The following GALNTL6 variants were observed in gnomAD, a reference collection of about 807,000 sequenced individuals.
GALNTL6 encodes polypeptide N-acetylgalactosaminyltransferase like 6.
Under a neutral mutation model 73.7 loss-of-function variants are expected in GALNTL6, and 46 were observed. That is an observed-to-expected ratio of 0.62 (90% CI 0.49 to 0.80). GALNTL6 has a LOEUF of 0.80. Among genes scored for constraint, GALNTL6 ranks in the 30% least tolerant of loss-of-function variants. The pLI is 0.00. For synonymous variants in GALNTL6, 259 were observed against 263.7 expected, an observed-to-expected ratio of 0.98 and a Z score of 0.17; for missense variants, 604 against 755.0, an observed-to-expected ratio of 0.80 and a Z score of 2.34.
intron 5 of GALNTL6, among the ~76,000 whole-genome samples, chr4:172,564,884 A>T (rs377743082): frequency 2.3e-4 from 35 of 152,362 alleles, no homozygotes; most frequent in African/African-American, 8.2e-4. Flanking sequence ...AGAGGAAAGT[A>T]AATCAAAGGC....
intron 5 of GALNTL6, among the ~76,000 whole-genome samples, chr4:172,370,630 CAAAAAAAAAA>C (rs71592072): frequency 1.0e-4 from 6 of 59,830 alleles, no homozygotes; most frequent in African/African-American, 2.5e-4. Flanking sequence ...GACTCCATCT[CAAAAAAAAAA>C]AAAAAAAAAA....
intron 2 of GALNTL6, among the ~76,000 whole-genome samples, chr4:172,164,587 C>T (rs1382289060): frequency 6.6e-6 from 1 of 151,916 alleles, no homozygotes; most frequent in African/African-American, 2.4e-5. Context: ...TGGAGCATTA[C>T]CTTACCCTTA....
At chr4:172,455,511 G>A (rs1732362369) in intron 5 of GALNTL6, among the ~76,000 whole-genome samples, 1 of 152,272 alleles carries the variant, frequency 6.6e-6, no homozygotes, top group South Asian at 2.1e-4. Flanking sequence ...GGACACTCGA[G>A]CTTGGGTCGG....
At position 172,862,197 on chromosome 4, in the gene GALNTL6, C is replaced by T. The variant is rs191890290; in HGVS notation, c.924-20593C>T. On this transcript the variant is annotated intron_variant, in intron 7 of 12. Coordinates refer to ENST00000506823, the MANE Select transcript of GALNTL6 (RefSeq NM_001034845.3). ...ACCAAAATGCTGATAGTGATATGGA[C>T]AATAAAGTCCAGGTTGAGGTGGTCT... Among the ~76,000 whole-genome samples, 31 of 152,240 alleles carry T rather than the reference C, an allele frequency of 2.0e-4. No homozygotes were observed. The East Asian group carries it at 2.3e-3, about 11-fold the overall frequency.
intron 5 of GALNTL6, among the ~76,000 whole-genome samples, chr4:172,596,203 C>A (rs1439554682): frequency 6.6e-6 from 1 of 151,840 alleles, no homozygotes; most frequent in Non-Finnish European, 1.5e-5. Flanking sequence ...TGCCTGTAAT[C>A]CCAGCACTTT....
intron 2 of GALNTL6, among the ~76,000 whole-genome samples, chr4:171,964,792 C>T (rs1739337056): frequency 6.6e-6 from 1 of 152,186 alleles, no homozygotes; most frequent in Admixed American, 6.5e-5. Flanking sequence ...ACTGTCTGTT[C>T]TGGCGGTCGA....
At chr4:172,297,339 T>G (rs1330462470) in intron 3 of GALNTL6, among the ~76,000 whole-genome samples, 2 of 152,190 alleles carry the variant, frequency 1.3e-5, no homozygotes, top group Non-Finnish European at 2.9e-5. Flanking sequence ...TCTTTTGCTG[T>G]GCAGAAGCTC....
chr4:172,970,610 C>G (rs958924944), intron 10 of GALNTL6, among the ~76,000 whole-genome samples: 1 of 152,158 alleles, frequency 6.6e-6, no homozygotes, highest in African/African-American at 2.4e-5. Flanking sequence ...GGTTGTCTTC[C>G]CTTGTTCCCT....
chr4:172,960,860 A>G (rs1224177212), intron 10 of GALNTL6, among the ~76,000 whole-genome samples: 1 of 152,126 alleles, frequency 6.6e-6, no homozygotes, highest in Non-Finnish European at 1.5e-5. Context: ...GCTAAGGAAG[A>G]AGGAGGAATG....
At chr4:172,679,764 G>A (rs1164946715) in intron 5 of GALNTL6, among the ~76,000 whole-genome samples, 2 of 152,152 alleles carry the variant, frequency 1.3e-5, no homozygotes, top group Non-Finnish European at 2.9e-5. Context: ...AACACAGAGT[G>A]TTAAAGAATT....
Position 172,666,247 on chromosome 4 carries a change from G to A in GALNTL6, c.554-143114G>A, listed in dbSNP as rs1731655842. ...AAATTTTTCAGAACTAGTACATGGT[G>A]AATGGTGTTTCTGAATCTTTGCGTG... On this transcript the variant is annotated intron_variant, in intron 5 of 12. Coordinates refer to ENST00000506823, the MANE Select transcript of GALNTL6 (RefSeq NM_001034845.3). Among the ~76,000 whole-genome samples, 3 of 152,148 alleles carry A rather than the reference G, an allele frequency of 2.0e-5. 1 individual carries two copies. In the South Asian group the frequency reaches 6.2e-4, roughly 32 times the overall value.
chr4:171,888,941 C>CA (rs1180831472), intron 2 of GALNTL6, among the ~76,000 whole-genome samples: 2 of 151,824 alleles, frequency 1.3e-5, no homozygotes, highest in African/African-American at 4.8e-5. Flanking sequence ...AGTTCTTTGC[C>CA]AAAAAATAAG....
At chr4:171,826,763 T>C (rs534088978) in intron 2 of GALNTL6, among the ~76,000 whole-genome samples, 1 of 151,952 alleles carries the variant, frequency 6.6e-6, no homozygotes, top group Admixed American at 6.6e-5. Flanking sequence ...GGAGAAGGGA[T>C]TGGAAAAAGC....
intron 5 of GALNTL6, among the ~76,000 whole-genome samples, chr4:172,478,540 T>C (rs972804848): frequency 6.6e-6 from 1 of 152,140 alleles, no homozygotes; most frequent in African/African-American, 2.4e-5. Flanking sequence ...CATGTAAGGC[T>C]GGAAACCATA....
chr4:172,626,035 T>C (rs1447406748), intron 5 of GALNTL6, among the ~76,000 whole-genome samples: 1 of 152,138 alleles, frequency 6.6e-6, no homozygotes, highest in African/African-American at 2.4e-5. Context: ...AGATCTCACT[T>C]GTCAATTTTA....
chr4:172,308,050 T>C lies in GALNTL6; in HGVS notation c.248-3564T>C, dbSNP rs1254855164. Reference sequence around the variant, plus strand: ...TTTTTTTTTACGGCTCTTGTAACAGTGGTTAAGTTGTTGATTTGATTCTCA... The same window carrying C: ...TTTTTTTTTACGGCTCTTGTAACAGCGGTTAAGTTGTTGATTTGATTCTCA... On this transcript the variant is annotated intron_variant, in intron 3 of 12. Coordinates refer to ENST00000506823, the MANE Select transcript of GALNTL6 (RefSeq NM_001034845.3). 2.4e-5 allele frequency among the ~76,000 whole-genome samples: 3 copies of C among 123,944 alleles called. No homozygotes were observed. The East Asian group carries it at 8.6e-4, about 35-fold the overall frequency. The allele number at this position is 123,944 out of a possible 152,430, so 81.3% of individuals were successfully genotyped here.
chr4:172,725,528 A>T (rs1416316941), intron 5 of GALNTL6, among the ~76,000 whole-genome samples: 1 of 152,230 alleles, frequency 6.6e-6, no homozygotes, highest in Non-Finnish European at 1.5e-5. Flanking sequence ...GATAATCAAA[A>T]TTATAAACAG....
At chr4:172,261,749 C>T (rs1738266355) in intron 3 of GALNTL6, among the ~76,000 whole-genome samples, 1 of 151,318 alleles carries the variant, frequency 6.6e-6, no homozygotes, top group Admixed American at 6.6e-5. Context: ...TATGAACTTT[C>T]CTCTGAGCAC....
intron 2 of GALNTL6, among the ~76,000 whole-genome samples, chr4:171,899,130 T>A (rs1737008479): frequency 2.1e-5 from 1 of 48,378 alleles, no homozygotes; most frequent in Admixed American, 1.5e-4. Context: ...TCTATACAAA[T>A]TAATTTTTAA....
Sources: gnomAD v4.1 joint callset for allele counts (sites outside exome capture counted in the v4.1 genomes callset) on GRCh38, gnomAD v4.1.1 for gene constraint, MANE v1.5 for transcripts, NCBI Gene and HGNC (gene_info 2026-07-23, HGNC 2026-07-21) for gene names.